ZNF385D: variants seen among roughly 807,000 people sequenced by gnomAD.
ZNF385D encodes the protein zinc finger protein 659.
A neutral mutation model predicts 35.8 loss-of-function variants in ZNF385D; 15 were observed. The observed-to-expected ratio is 0.42, with a 90% CI of 0.28 to 0.64. The LOEUF (loss-of-function observed/expected upper bound fraction) is 0.64. Among genes scored for constraint, ZNF385D ranks in the 30% least tolerant of loss-of-function variants. ZNF385D has a pLI of 0.23. For synonymous variants in ZNF385D, 212 were observed against 186.8 expected, an observed-to-expected ratio of 1.13 and a Z score of -1.10; for missense variants, 474 against 494.6, an observed-to-expected ratio of 0.96 and a Z score of 0.39.
In ZNF385D at chr3:21,413,236, C is replaced by A. The variant is rs527783816; in HGVS notation, c.*7978G>T. 6.6e-6 allele frequency: 1 copy of A among 151,852 alleles called. No homozygotes were observed. 9.4% of individuals were successfully genotyped at this position (151,852 alleles called of 1,614,324 possible). ...GAAAGGTTTATTCAGTAAGATTTGACGAGATGTAAAAAGCAAATTTATTTA... is the reference window on the plus strand; with the variant it reads ...GAAAGGTTTATTCAGTAAGATTTGAAGAGATGTAAAAAGCAAATTTATTTA... On this transcript the variant is annotated 3_prime_UTR_variant, in exon 8 of 8. Transcript: ENST00000281523.
intron 3 of ZNF385D, among the ~76,000 whole-genome samples, chr3:22,115,974 A>C (rs1418807887): frequency 6.6e-6 from 1 of 152,098 alleles, no homozygotes; most frequent in Non-Finnish European, 1.5e-5. Context: ...CTGAAGCTGG[A>C]AGCTAAATAA....
At chr3:22,087,838 T>C (rs1259229708) in intron 3 of ZNF385D, among the ~76,000 whole-genome samples, 4 of 152,296 alleles carry the variant, frequency 2.6e-5, no homozygotes, top group African/African-American at 9.6e-5. Context: ...AAGCAGAGTA[T>C]AGGAATGATT....
intron 3 of ZNF385D, among the ~76,000 whole-genome samples, chr3:21,546,315 A>T (rs2062370325): frequency 6.6e-6 from 1 of 152,070 alleles, no homozygotes; most frequent in East Asian, 1.9e-4. Context: ...TTATCCTGCA[A>T]ATCCTATCCG....
chr3:21,464,497 C>A (rs1559316051), intron 4 of ZNF385D, among the ~76,000 whole-genome samples: 2 of 152,056 alleles, frequency 1.3e-5, no homozygotes, highest in Admixed American at 6.6e-5. Context: ...ACACAGAGAA[C>A]CTCAGACACT....
chr3:21,774,723 A>G (rs973013875), intron 3 of ZNF385D, among the ~76,000 whole-genome samples: 3 of 151,938 alleles, frequency 2.0e-5, no homozygotes, highest in African/African-American at 7.2e-5. Flanking sequence ...AGTAGATGTA[A>G]TTAAGAATAA....
intron 3 of ZNF385D, among the ~76,000 whole-genome samples, chr3:22,147,361 A>G (rs1027811155): frequency 3.9e-5 from 6 of 152,150 alleles, no homozygotes; most frequent in Non-Finnish European, 8.8e-5. Flanking sequence ...TCAGAGCAGT[A>G]CATATGCTTT....
chr3:21,925,528 G>C (rs1700682179), intron 3 of ZNF385D, among the ~76,000 whole-genome samples: 1 of 152,054 alleles, frequency 6.6e-6, no homozygotes, highest in Non-Finnish European at 1.5e-5. Context: ...TATAAAAATA[G>C]AAAACAATGG....
chr3:21,747,504 G>C (rs2069834663), intron 1 of ZNF385D, among the ~76,000 whole-genome samples: 1 of 152,176 alleles, frequency 6.6e-6, no homozygotes, highest in South Asian at 2.1e-4. Flanking sequence ...GTGAGACATG[G>C]CATCTCTCTG....
intron 2 of ZNF385D, among the ~76,000 whole-genome samples, chr3:22,351,990 C>T (rs1000907354): frequency 2.6e-5 from 4 of 152,130 alleles, no homozygotes; most frequent in African/African-American, 9.7e-5. Flanking sequence ...TTACCTCATA[C>T]CGTTCATGTA....
chr3:21,947,728 T>G (rs375909904), intron 3 of ZNF385D, among the ~76,000 whole-genome samples: 21 of 152,288 alleles, frequency 1.4e-4, no homozygotes, highest in Admixed American at 6.5e-4. Context: ...CCATCTATCT[T>G]TTTTCTATCA....
At chr3:21,554,821 CT>C (rs2062678344) in intron 3 of ZNF385D, among the ~76,000 whole-genome samples, 1 of 152,178 alleles carries the variant, frequency 6.6e-6, no homozygotes, top group Non-Finnish European at 1.5e-5. Flanking sequence ...GAACCAACCA[CT>C]TCCAGCTTCA....
intron 4 of ZNF385D, among the ~76,000 whole-genome samples, chr3:21,490,181 A>C (rs1448033500): frequency 6.6e-6 from 1 of 151,878 alleles, no homozygotes; most frequent in Non-Finnish European, 1.5e-5. Context: ...TTATACTTTT[A>C]GAGCTGAGGT....
At chr3:22,306,624 G>C (rs915869225) in intron 2 of ZNF385D, among the ~76,000 whole-genome samples, 26 of 152,086 alleles carry the variant, frequency 1.7e-4, no homozygotes, top group African/African-American at 5.8e-4. Flanking sequence ...AGCCAGGTGA[G>C]GGAGGATTTG....
intron 3 of ZNF385D, among the ~76,000 whole-genome samples, chr3:21,864,690 G>T (rs926452101): frequency 5.3e-5 from 8 of 151,972 alleles, no homozygotes; most frequent in African/African-American, 1.4e-4. Context: ...GAGTCTTTTT[G>T]CTATGGGTTT....
chr3:21,462,344 A>G (rs1224804055), intron 4 of ZNF385D, among the ~76,000 whole-genome samples: 1 of 152,116 alleles, frequency 6.6e-6, no homozygotes, highest in Non-Finnish European at 1.5e-5. Context: ...GCAGACATTC[A>G]TCATAGAACC....
chr3:21,489,631 G>A (rs1334070352), intron 4 of ZNF385D, among the ~76,000 whole-genome samples: 1 of 152,106 alleles, frequency 6.6e-6, no homozygotes, highest in African/African-American at 2.4e-5. Flanking sequence ...GTGAGATTTT[G>A]GCTTTTGTGA....
intron 2 of ZNF385D, among the ~76,000 whole-genome samples, chr3:22,227,754 G>A (rs1220544235): frequency 6.6e-6 from 1 of 152,028 alleles, no homozygotes; most frequent in Non-Finnish European, 1.5e-5. Context: ...TGACTCTAAT[G>A]ACCTATAAGT....
At chr3:21,441,722 T>G in intron 4 of ZNF385D, 1 of 985,372 alleles carries the variant, frequency 1.0e-6, no homozygotes, top group South Asian at 4.7e-5. Context: ...CCACAGGGCT[T>G]CATTGCACCT....
chr3:21,450,210 G>A (rs1402917626), intron 4 of ZNF385D, among the ~76,000 whole-genome samples: 1 of 152,164 alleles, frequency 6.6e-6, no homozygotes. Flanking sequence ...GAAATGGATG[G>A]TAGCTGTGGA....
Sources: allele counts gnomAD v4.1 joint callset (sites outside exome capture counted in the v4.1 genomes callset), GRCh38; gene constraint gnomAD v4.1.1; transcripts MANE v1.5; gene names NCBI Gene and HGNC (gene_info 2026-07-23, HGNC 2026-07-21).